Variants in CDC45 observed in about 807,000 individuals in gnomAD.
The protein encoded by CDC45 is cell division control protein 45 homolog.
Under a neutral mutation model 77.8 loss-of-function variants are expected in CDC45, and 54 were observed. That is an observed-to-expected ratio of 0.69 (90% CI 0.56 to 0.87). The LOEUF (loss-of-function observed/expected upper bound fraction) is 0.87. Among genes scored for constraint, CDC45 ranks in the 40% least tolerant of loss-of-function variants. The pLI is 0.00. For missense variants in CDC45, 649 were observed against 721.6 expected (o/e 0.90, Z 1.15); for synonymous variants, 260 against 272.1 (o/e 0.96, Z 0.44).
At chr22:19,498,130 C>T (rs932890949) in intron 8 of CDC45, among the ~76,000 whole-genome samples, 4 of 152,002 alleles carry the variant, frequency 2.6e-5, no homozygotes, top group African/African-American at 7.3e-5. Context: ...GCCGAGACTG[C>T]GCCATTACAC....
chr22:19,483,872 T>C lies in CDC45; in HGVS notation c.353T>C (p.Leu118Pro). The change falls in exon 5 of 19, where the codon CTC (leucine) becomes CCC (proline). Residue 118 changes from leucine to proline, a missense_variant. Physicochemically the swap from Leu to Pro is moderately conservative, Grantham distance 98. Transcript: ENST00000263201. ...TTGTTTTGAACTTAGATCAAATTAC[T>C]CATTAAACAAGATGATGACCTTGAA... ...NVYNDTQIKL[L>P]IKQDDDLEVP... is the part of the protein sequence containing the mutation. 2.5e-6 allele frequency: 4 copies of C among 1,612,128 alleles called. No individual in the cohort carries two copies. The highest frequency in any genetic ancestry group is 3.4e-6 in the Non-Finnish European group (4 of 1,179,448).
intron 6 of CDC45, 57 bp downstream of exon 6, chr22:19,494,439 G>A (rs768766940): frequency 1.9e-6 from 3 of 1,601,374 alleles, no homozygotes; most frequent in Non-Finnish European, 2.6e-6. Flanking sequence ...CTGGGGGTCT[G>A]TGGTGCCACC....
intron 5 of CDC45, among the ~76,000 whole-genome samples, chr22:19,493,437 TTTG>T (rs71186608): frequency 6.8e-6 from 1 of 148,120 alleles, no homozygotes; most frequent in Non-Finnish European, 1.5e-5. Context: ...TTTTTTTTTT[TTTG>T]TTGTTGTTGT....
At chr22:19,515,892 C>A (rs1454905501) in intron 15 of CDC45, among the ~76,000 whole-genome samples, 1 of 152,218 alleles carries the variant, frequency 6.6e-6, no homozygotes, top group African/African-American at 2.4e-5. Context: ...CATCCACCAC[C>A]TGCCCGGCCC....
chr22:19,506,797 G>C (rs1162527170), intron 10 of CDC45, among the ~76,000 whole-genome samples: 1 of 152,210 alleles, frequency 6.6e-6, no homozygotes, highest in African/African-American at 2.4e-5. Flanking sequence ...AGCCAGGCAT[G>C]GTGGCGGGTG....
chr22:19,500,410 G>A (rs9618587), intron 9 of CDC45, among the ~76,000 whole-genome samples: 14,106 of 152,148 alleles, frequency 0.093, 2,169 homozygotes, highest in African/African-American at 0.32. Context: ...CTAGGTCGGC[G>A]TGCTCTCTGC....
intron 10 of CDC45, among the ~76,000 whole-genome samples, chr22:19,506,068 G>C (rs746361651): frequency 6.6e-6 from 1 of 152,182 alleles, no homozygotes; most frequent in Non-Finnish European, 1.5e-5. Context: ...CCCAGTAGAG[G>C]TAGGTTGGGG....
In CDC45 at chr22:19,494,344, C is replaced by G; in HGVS notation, c.504C>G (p.Thr168=). The G allele has an allele frequency of 6.2e-7, 1 of 1,613,002 alleles. No homozygotes were observed. The highest frequency in any genetic ancestry group is 8.5e-7 in the Non-Finnish European group (1 of 1,179,984). Reference sequence around the variant, plus strand: ...TGTATCAGGAGATAGTGGAGCAAACCATGCGGAGGAGGCAGCGGCGAGAGT... The same window carrying G: ...TGTATCAGGAGATAGTGGAGCAAACGATGCGGAGGAGGCAGCGGCGAGAGT... ...TRLEEEIVEQ[T]MRRRQRREWE... The change falls in exon 6 of 19, where the codon ACC becomes ACG. Residue 168 remains threonine (T), a synonymous_variant. Coordinates refer to ENST00000263201, the MANE Select transcript of CDC45 (RefSeq NM_003504.5).
At position 19,481,853 on chromosome 22, in the gene CDC45, G is replaced by A. The variant is rs559151851; in HGVS notation, c.204+808G>A. Among the ~76,000 whole-genome samples the A allele has an allele frequency of 1.3e-4, 20 of 152,174 alleles. No homozygotes were observed. In the East Asian group the frequency reaches 3.3e-3, roughly 25 times the overall value. On this transcript the variant is annotated intron_variant, in intron 3 of 18. Transcript: ENST00000263201. The stretch of plus-strand genomic sequence containing the variant: ...CGCCTGGCTAATTTTTGTATTTCTA[G>A]TAGAGACGGGGTTTCGCCACATTGG...
In CDC45 at chr22:19,499,234, A is replaced by G. The variant is rs2090297318; in HGVS notation, c.704+83A>G. ...GCCTGACCATAGCCACTAAGTTTTT[A>G]GCAGGGTCCCTGTAGGGTCCTATTG... On this transcript the variant is annotated intron_variant, in intron 9 of 18. Coordinates refer to ENST00000263201, the MANE Select transcript of CDC45 (RefSeq NM_003504.5). 2.8e-6 allele frequency: 4 copies of G among 1,431,208 alleles called. No homozygotes were observed. In the South Asian group the frequency reaches 3.4e-5, roughly 12 times the overall value. 88.7% of individuals were successfully genotyped at this position (1,431,208 alleles called of 1,614,324 possible). A position where few individuals can be genotyped will look rare whatever the true frequency, so the allele number is the denominator to read the frequency against.
intron 5 of CDC45, among the ~76,000 whole-genome samples, chr22:19,490,882 C>A (rs1205507651): frequency 2.0e-5 from 3 of 148,848 alleles, no homozygotes; most frequent in Admixed American, 1.3e-4. Context: ...GGCTGGTGTG[C>A]AGTGGCACAA....
chr22:19,511,001 A>G (rs1290797891), intron 13 of CDC45, among the ~76,000 whole-genome samples: 1 of 152,160 alleles, frequency 6.6e-6, no homozygotes, highest in African/African-American at 2.4e-5. Flanking sequence ...TCTTTTGGTT[A>G]TATACCTACA....
At position 19,508,187 on chromosome 22, in the gene CDC45, A is replaced by C. The variant is rs935536774; in HGVS notation, c.1055+323A>C. On this transcript the variant is annotated intron_variant, in intron 12 of 18. Transcript: ENST00000263201. The stretch of plus-strand genomic sequence containing the variant: ...TTTCACTGGAGACAGCAAATGGGCC[A>C]CAGGGCCAGGTTCAGGTGAACTCTG... Among the ~76,000 whole-genome samples, 13 of 152,206 alleles carry C rather than the reference A, an allele frequency of 8.5e-5. 1 individual carries two copies. Among genetic ancestry groups the C allele is most frequent in the Non-Finnish European group, 1.6e-4 (11 of 68,040 alleles).
At chr22:19,511,400 G>A (rs1000140663) in intron 13 of CDC45, among the ~76,000 whole-genome samples, 17 of 145,638 alleles carry the variant, frequency 1.2e-4, no homozygotes, top group African/African-American at 4.4e-4. Flanking sequence ...GTGCAGTCAT[G>A]GCTCACTGCA....
chr22:19,480,289 G>T, intron 2 of CDC45, 72 bp downstream of exon 2: 1 of 1,414,746 alleles, frequency 7.1e-7, no homozygotes, highest in Admixed American at 1.7e-5. Flanking sequence ...GCGCAGGGCG[G>T]GCAGAGTGTC....
chr22:19,479,916 C>T (rs530578674), upstream of CDC45: 63 of 1,602,718 alleles, frequency 3.9e-5, no homozygotes, highest in Non-Finnish European at 4.6e-5. Flanking sequence ...TCTTGACCGC[C>T]GCCGGGCTCT....
chr22:19,517,812 A>G (rs1309947403), intron 17 of CDC45, among the ~76,000 whole-genome samples: 1 of 152,232 alleles, frequency 6.6e-6, no homozygotes, highest in African/African-American at 2.4e-5. Context: ...TTTGAACTTA[A>G]TTACCATAGT....
intron 5 of CDC45, among the ~76,000 whole-genome samples, chr22:19,490,812 T>C (rs1404679591): frequency 6.6e-6 from 1 of 152,012 alleles, no homozygotes; most frequent in Non-Finnish European, 1.5e-5. Flanking sequence ...TTGAGTCACA[T>C]GTAGAAACCT....
rs1449205448 is a variant in CDC45, at chr22:19,520,215, CA to C, written c.*2-265del. ...AGGGAGAGCCCCCATGGGAGGGTGC[CA>C]GGGGGCTGGCTGAGCAGCTGGGCGG... On this transcript the variant is annotated intron_variant, in intron 18 of 18. Transcript: ENST00000263201. This position sits in a 1 kb window ranked among gnomAD's most constrained non-coding sequence, Gnocchi z 4.5. 3.3e-5 allele frequency among the ~76,000 whole-genome samples: 5 copies of C among 152,122 alleles called. No individual in the cohort carries two copies. Among genetic ancestry groups the C allele is most frequent in the African/African-American group, 1.2e-4 (5 of 41,432 alleles).
Sources: gnomAD v4.1 joint callset for allele counts (sites outside exome capture counted in the v4.1 genomes callset) on GRCh38, gnomAD v4.1.1 for gene constraint, Gnocchi (gnomAD v3.1) non-coding constraint, MANE v1.5 for transcripts, NCBI Gene and HGNC (gene_info 2026-07-23, HGNC 2026-07-21) for gene names.